SLC1A3: variants seen among roughly 807,000 people sequenced by gnomAD.
The protein encoded by SLC1A3 is solute carrier family 1 member 3.
A neutral mutation model predicts 48.1 loss-of-function variants in SLC1A3; 21 were observed. The observed-to-expected ratio is 0.44, with a 90% CI of 0.31 to 0.63. The LOEUF (loss-of-function observed/expected upper bound fraction) is 0.63. SLC1A3 is among the 20% of genes least tolerant of loss of function. SLC1A3 has a pLI of 0.08. For synonymous variants in SLC1A3, 239 were observed against 251.4 expected, an observed-to-expected ratio of 0.95 and a Z score of 0.47; for missense variants, 546 against 689.0, an observed-to-expected ratio of 0.79 and a Z score of 2.32.
intron 2 of SLC1A3, among the ~76,000 whole-genome samples, chr5:36,611,368 A>AAAT (rs1260297432): frequency 6.8e-6 from 1 of 147,182 alleles, no homozygotes; most frequent in African/African-American, 2.5e-5. Context: ...TGCCTTTTTG[A>AAAT]AATAAAATGT....
chr5:36,645,319 C>CTTTTTTTTTTTTTTTTTTTTTTTTTTTT lies in SLC1A3; in HGVS notation c.319+15734_319+15761dup, dbSNP rs68027582. ...ATCTTTGAGGACTGACTTCCGCTGC[C>CTTTTTTTTTTTTTTTTTTTTTTTTTTTT]TTTTTTTTTTTTTTTTTTTTTTTTT... On this transcript the variant is annotated intron_variant, in intron 3 of 9. Coordinates refer to ENST00000265113, the MANE Select transcript of SLC1A3 (RefSeq NM_004172.5). Among the ~76,000 whole-genome samples, 7 of 84,272 alleles carry CTTTTTTTTTTTTTTTTTTTTTTTTTTTT rather than the reference C, an allele frequency of 8.3e-5. 3 individuals are homozygous for CTTTTTTTTTTTTTTTTTTTTTTTTTTTT. Among genetic ancestry groups the CTTTTTTTTTTTTTTTTTTTTTTTTTTTT allele is most frequent in the Non-Finnish European group, 2.3e-5 (1 of 42,786 alleles). The allele number at this position is 84,272 out of a possible 152,430, so 55.3% of individuals were successfully genotyped here. A position where few individuals can be genotyped will look rare whatever the true frequency, so the allele number is the denominator to read the frequency against.
chr5:36,601,935 C>T (rs1002588979), upstream of SLC1A3, among the ~76,000 whole-genome samples: 5 of 152,100 alleles, frequency 3.3e-5, no homozygotes, highest in East Asian at 1.9e-4. Flanking sequence ...GAGCACCTTC[C>T]GTTCTGGTTC....
intron 9 of SLC1A3, among the ~76,000 whole-genome samples, chr5:36,684,524 C>T (rs943980942): frequency 9.2e-5 from 14 of 152,086 alleles, no homozygotes; most frequent in African/African-American, 3.4e-4. Flanking sequence ...AAGAAATGTG[C>T]CCTCCACATT....
intron 2 of SLC1A3, among the ~76,000 whole-genome samples, chr5:36,617,459 G>A (rs1444473510): frequency 1.8e-5 from 1 of 55,738 alleles, no homozygotes; most frequent in Non-Finnish European, 3.3e-5. Flanking sequence ...TTTTACTTAT[G>A]TAGTAAATAA....
chr5:36,678,315 C>A (rs1036665061), intron 6 of SLC1A3, among the ~76,000 whole-genome samples: 2 of 152,144 alleles, frequency 1.3e-5, no homozygotes, highest in Middle Eastern at 6.3e-3. Flanking sequence ...ACAGGAGCCC[C>A]CACTTGGAAG....
chr5:36,604,998 T>C (rs2562581), upstream of SLC1A3, among the ~76,000 whole-genome samples: 1 of 151,386 alleles, frequency 6.6e-6, no homozygotes, highest in Non-Finnish European at 1.5e-5. Flanking sequence ...GTCATGGCAT[T>C]GAGAAATGGC....
intron 2 of SLC1A3, among the ~76,000 whole-genome samples, chr5:36,624,092 G>A (rs977621488): frequency 3.3e-5 from 5 of 152,126 alleles, no homozygotes; most frequent in Admixed American, 2.6e-4. Flanking sequence ...ATAGCTGGCC[G>A]ACCCTACCTC....
At chr5:36,662,828 A>C (rs1741571589) in intron 3 of SLC1A3, among the ~76,000 whole-genome samples, 2 of 152,210 alleles carry the variant, frequency 1.3e-5, no homozygotes, top group Non-Finnish European at 2.9e-5. Context: ...CATGAGAGTC[A>C]ATTGAATGGT....
chr5:36,631,195 G>C (rs769898571), intron 3 of SLC1A3, among the ~76,000 whole-genome samples: 8 of 152,096 alleles, frequency 5.3e-5, no homozygotes, highest in Non-Finnish European at 1.0e-4. Flanking sequence ...CTTCAAGGGT[G>C]GAACCAATGT....
At chr5:36,676,773 C>T in intron 5 of SLC1A3, 119 bp from the exon 6 acceptor site, 1 of 751,034 alleles carries the variant, frequency 1.3e-6, no homozygotes. Flanking sequence ...CTATAACACT[C>T]ATCTCTGAAT....
At chr5:36,639,403 C>T (rs548291542) in intron 3 of SLC1A3, among the ~76,000 whole-genome samples, 33 of 152,280 alleles carry the variant, frequency 2.2e-4, no homozygotes, top group African/African-American at 7.7e-4. Flanking sequence ...TTTATGAAAA[C>T]GGAATCATAT....
intron 3 of SLC1A3, among the ~76,000 whole-genome samples, chr5:36,666,000 T>A (rs185200317): frequency 1.7e-3 from 264 of 152,278 alleles, no homozygotes; most frequent in African/African-American, 6.2e-3. Context: ...CAGAAGAAAA[T>A]ATTTTTGCAC....
intron 2 of SLC1A3, among the ~76,000 whole-genome samples, chr5:36,612,109 C>T (rs754179770): frequency 2.0e-5 from 3 of 147,760 alleles, no homozygotes; most frequent in Non-Finnish European, 4.6e-5. Context: ...ACAGAGTTTG[C>T]ATTTGAGTTC....
rs1236677727 is a variant in SLC1A3, at chr5:36,629,602, T to C, written c.319+15T>C. ...TCTTGTCACAGGTACCATAAGCAGTTGTTGGTTTGTTTGGTTTTTTTTAAG... is the reference window on the plus strand; with the variant it reads ...TCTTGTCACAGGTACCATAAGCAGTCGTTGGTTTGTTTGGTTTTTTTTAAG... On this transcript the variant is annotated intron_variant, in intron 3 of 9. Transcript: ENST00000265113. 4.3e-6 allele frequency: 7 copies of C among 1,611,548 alleles called. No individual in the cohort carries two copies. The highest frequency in any genetic ancestry group is 5.1e-6 in the Non-Finnish European group (6 of 1,177,958).
At chr5:36,645,019 G>T (rs1740778924) in intron 3 of SLC1A3, among the ~76,000 whole-genome samples, 1 of 152,198 alleles carries the variant, frequency 6.6e-6, no homozygotes, top group Non-Finnish European at 1.5e-5. Flanking sequence ...TTTACAAGCT[G>T]CTTCAGTCTC....
At chr5:36,601,969 A>T (rs958501844), upstream of SLC1A3, among the ~76,000 whole-genome samples, 12 of 152,072 alleles carry the variant, frequency 7.9e-5, 1 homozygote, top group East Asian at 1.7e-3. Context: ...AGTTATCCAT[A>T]CAGGCCCTGC....
At chr5:36,635,403 C>T (rs1300907902) in intron 3 of SLC1A3, among the ~76,000 whole-genome samples, 1 of 152,184 alleles carries the variant, frequency 6.6e-6, no homozygotes, top group Non-Finnish European at 1.5e-5. Context: ...AGCAAGAAGA[C>T]AGAGCTTCAA....
chr5:36,633,424 G>T (rs148585995), intron 3 of SLC1A3, among the ~76,000 whole-genome samples: 55 of 152,260 alleles, frequency 3.6e-4, no homozygotes, highest in African/African-American at 1.3e-3. Context: ...CAGTGTCTGG[G>T]ACGTATGGTA....
chr5:36,667,553 G>A lies in SLC1A3; in HGVS notation c.320-3476G>A, dbSNP rs180904030. On this transcript the variant is annotated intron_variant, in intron 3 of 9. Transcript: ENST00000265113. The stretch of plus-strand genomic sequence containing the variant: ...TGTCATTTATTAGCTGTGCAATGCC[G>A]GGCAAGTTATTTAACTTCTCTGGTC... 3.0e-3 allele frequency among the ~76,000 whole-genome samples: 449 copies of A among 152,184 alleles called. 4 individuals carry two copies. The highest frequency in any genetic ancestry group is 0.01 in the African/African-American group (422 of 41,500).
Sources: gnomAD v4.1 joint callset for allele counts (sites outside exome capture counted in the v4.1 genomes callset) on GRCh38, gnomAD v4.1.1 for gene constraint, MANE v1.5 for transcripts, NCBI Gene and HGNC (gene_info 2026-07-23, HGNC 2026-07-21) for gene names.